The following CCSER1 variants were observed in gnomAD, a reference collection of about 807,000 sequenced individuals.
The protein encoded by CCSER1 is coiled-coil serine rich protein 1, also known as serine-rich coiled-coil domain-containing protein 1.
CCSER1 carries 41 observed loss-of-function variants against 82.0 expected under a neutral mutation model. The observed-to-expected ratio is 0.50, with a 90% confidence interval of 0.39 to 0.65. The LOEUF is 0.65. Ranked by LOEUF, CCSER1 falls within the 30% of genes least tolerant of loss-of-function variation. CCSER1 has a pLI of 0.00. For synonymous variants in CCSER1, 414 were observed against 383.9 expected (o/e 1.08, Z -0.92); for missense variants, 1,119 against 1,064.2 (o/e 1.05, Z -0.72).
chr4:90,839,024 G>C (rs770744011), intron 8 of CCSER1: 2 of 1,612,378 alleles, frequency 1.2e-6, no homozygotes, highest in Non-Finnish European at 1.7e-6. Context: ...AGCCATATCG[G>C]GTTTGTCAGA....
intron 5 of CCSER1, among the ~76,000 whole-genome samples, chr4:90,529,329 C>CACA (rs1311478405): frequency 6.6e-6 from 1 of 151,940 alleles, no homozygotes; most frequent in Non-Finnish European, 1.5e-5. Context: ...ATTCTCATTC[C>CACA]ACAACCTCTC....
chr4:91,071,888 T>C (rs1721476429), intron 9 of CCSER1, among the ~76,000 whole-genome samples: 1 of 152,166 alleles, frequency 6.6e-6, no homozygotes, highest in Admixed American at 6.6e-5. Context: ...TATTTAGAGT[T>C]ACTTGTTTTC....
At chr4:90,301,676 A>T (rs1733155455) in intron 1 of CCSER1, among the ~76,000 whole-genome samples, 1 of 152,146 alleles carries the variant, frequency 6.6e-6, no homozygotes, top group Non-Finnish European at 1.5e-5. Flanking sequence ...TTCAACCTTC[A>T]TATTTTTAAG....
At chr4:90,514,526 T>C (rs28378806) in intron 5 of CCSER1, among the ~76,000 whole-genome samples, 17,156 of 151,996 alleles carry the variant, frequency 0.11, 1,459 homozygotes, top group African/African-American at 0.24. Context: ...GAGGCCAAGG[T>C]GGGTGGATCA....
intron 5 of CCSER1, among the ~76,000 whole-genome samples, chr4:90,481,480 C>A (rs1238391241): frequency 2.0e-5 from 3 of 152,126 alleles, no homozygotes. Flanking sequence ...CAGTTTTTGT[C>A]CATTCAGTAT....
chr4:91,153,218 G>GT (rs1283164823), intron 10 of CCSER1, among the ~76,000 whole-genome samples: 26 of 151,762 alleles, frequency 1.7e-4, no homozygotes, highest in Admixed American at 1.1e-3. Flanking sequence ...TCTTGTTACT[G>GT]TTTTTTCTCT....
At chr4:91,167,936 C>T (rs1483707273) in intron 10 of CCSER1, among the ~76,000 whole-genome samples, 2 of 147,860 alleles carry the variant, frequency 1.4e-5, no homozygotes, top group African/African-American at 2.5e-5. Flanking sequence ...TCGGGAGCAC[C>T]TCTGCCCGGC....
At chr4:90,838,907 G>A (rs1258863314) in intron 8 of CCSER1, 2 of 1,613,286 alleles carry the variant, frequency 1.2e-6, no homozygotes, top group South Asian at 1.1e-5. Context: ...GCCTCATTAC[G>A]ATTCGCCTGC....
chr4:90,854,439 T>C (rs963539412), intron 8 of CCSER1, among the ~76,000 whole-genome samples: 1 of 152,180 alleles, frequency 6.6e-6, no homozygotes, highest in Non-Finnish European at 1.5e-5. Context: ...TTATAAACAA[T>C]TATCCACTCT....
intron 4 of CCSER1, among the ~76,000 whole-genome samples, chr4:90,426,386 A>G (rs1757534312): frequency 6.6e-6 from 1 of 152,132 alleles, no homozygotes. Flanking sequence ...TATTCAGGGG[A>G]AAGAGATATT....
intron 8 of CCSER1, among the ~76,000 whole-genome samples, chr4:90,892,907 C>T (rs956076): frequency 0.41 from 62,265 of 151,782 alleles, 13,282 homozygotes; most frequent in Non-Finnish European, 0.48. Flanking sequence ...TATTCATTTA[C>T]TGTAGTATAT....
intron 10 of CCSER1, among the ~76,000 whole-genome samples, chr4:91,236,563 C>A (rs1739027528): frequency 6.6e-6 from 1 of 151,984 alleles, no homozygotes; most frequent in South Asian, 2.1e-4. Flanking sequence ...ATTTTGAGGT[C>A]AAGGAAATGG....
intron 10 of CCSER1, among the ~76,000 whole-genome samples, chr4:91,573,051 G>A (rs1763268045): frequency 6.6e-6 from 1 of 152,198 alleles, no homozygotes; most frequent in Non-Finnish European, 1.5e-5. Context: ...CAGTTTGGGA[G>A]GTCCTTCCCA....
At chr4:90,657,189 C>G (rs919972934) in intron 6 of CCSER1, among the ~76,000 whole-genome samples, 3 of 151,966 alleles carry the variant, frequency 2.0e-5, no homozygotes, top group East Asian at 1.9e-4. Context: ...AAAAAGCCAC[C>G]TATATCAGTT....
intron 10 of CCSER1, among the ~76,000 whole-genome samples, chr4:91,441,612 T>A (rs1475321483): frequency 6.6e-6 from 1 of 152,206 alleles, no homozygotes. Context: ...TGTTGGAAGT[T>A]CTGGTCAGGG....
intron 10 of CCSER1, among the ~76,000 whole-genome samples, chr4:91,150,063 C>T (rs1283213855): frequency 1.3e-5 from 2 of 152,092 alleles, no homozygotes; most frequent in African/African-American, 2.4e-5. Flanking sequence ...TATAAATTAC[C>T]TTGGGCAGTA....
intron 6 of CCSER1, among the ~76,000 whole-genome samples, chr4:90,705,572 T>G (rs1236820445): frequency 6.6e-6 from 1 of 152,078 alleles, no homozygotes; most frequent in African/African-American, 2.4e-5. Flanking sequence ...CCCCCAGAGG[T>G]GGAGTCTACA....
At chr4:91,570,521 G>A (rs925189777) in intron 10 of CCSER1, among the ~76,000 whole-genome samples, 2 of 152,160 alleles carry the variant, frequency 1.3e-5, no homozygotes, top group East Asian at 3.9e-4. Context: ...TGACTTCTAT[G>A]TACCTGCAGG....
At chr4:90,486,266 T>G (rs1767041413) in intron 5 of CCSER1, among the ~76,000 whole-genome samples, 1 of 152,230 alleles carries the variant, frequency 6.6e-6, no homozygotes, top group Non-Finnish European at 1.5e-5. Flanking sequence ...TTGATCTATC[T>G]GGACTATTTT....
Sources: gnomAD v4.1 joint callset for allele counts (sites outside exome capture counted in the v4.1 genomes callset) on GRCh38, gnomAD v4.1.1 for gene constraint, MANE v1.5 for transcripts, NCBI Gene and HGNC (gene_info 2026-07-23, HGNC 2026-07-21) for gene names.